MRPS28: variants seen among roughly 807,000 people sequenced by gnomAD.
The protein encoded by MRPS28 is small ribosomal subunit protein bS1m.
Under a neutral mutation model 10.8 loss-of-function variants are expected in MRPS28, and 7 were observed. The observed-to-expected ratio is 0.65, with a 90% CI of 0.37 to 1.22. MRPS28 has a LOEUF of 1.22. Among genes scored for constraint, MRPS28 ranks in the 50% most tolerant of loss-of-function variants. MRPS28 has a pLI of 0.02. For synonymous variants in MRPS28, 121 were observed against 93.3 expected, an observed-to-expected ratio of 1.30 and a Z score of -1.71; for missense variants, 265 against 232.9, an observed-to-expected ratio of 1.14 and a Z score of -0.90.
intron 1 of MRPS28, among the ~76,000 whole-genome samples, chr8:80,009,698 G>A (rs1353401479): frequency 1.3e-5 from 2 of 151,986 alleles, no homozygotes; most frequent in African/African-American, 2.4e-5. Context: ...GTGAGGTCTC[G>A]AGAGCCCAGG....
rs138766972 is a variant in MRPS28, at chr8:79,992,885, A to G, written c.395+10114T>C. On this transcript the variant is annotated intron_variant, in intron 2 of 2. Transcript: ENST00000276585. ...AATTCTAACAGTATCTTAGAGTAAT[A>G]ACAAGGTTAAAGAAAATAATGCATG... is the stretch of plus-strand genomic sequence containing the variant. Among the ~76,000 whole-genome samples the G allele has an allele frequency of 2.2e-3, 338 of 152,348 alleles. 3 individuals are homozygous for G. Among genetic ancestry groups the G allele is most frequent in the African/African-American group, 7.7e-3 (320 of 41,592 alleles).
intron 2 of MRPS28, among the ~76,000 whole-genome samples, chr8:79,962,433 G>C (rs1458087788): frequency 6.6e-6 from 1 of 152,008 alleles, no homozygotes; most frequent in African/African-American, 2.4e-5. Context: ...GGTCCCAGTG[G>C]GATTTGTAAC....
At chr8:79,955,945 C>G (rs909289542) in intron 2 of MRPS28, among the ~76,000 whole-genome samples, 1 of 152,042 alleles carries the variant, frequency 6.6e-6, no homozygotes, top group Non-Finnish European at 1.5e-5. Context: ...CTTTAGCTTC[C>G]GATTTTCCAA....
intron 2 of MRPS28, among the ~76,000 whole-genome samples, chr8:79,928,929 C>T (rs2129883029): frequency 6.6e-6 from 1 of 152,190 alleles, no homozygotes; most frequent in South Asian, 2.1e-4. Context: ...GCCTGTAGTC[C>T]CAGCTACTTG....
At chr8:79,991,740 G>A (rs933941659) in intron 2 of MRPS28, among the ~76,000 whole-genome samples, 4 of 152,082 alleles carry the variant, frequency 2.6e-5, no homozygotes, top group Non-Finnish European at 2.9e-5. Context: ...AATTAAATAC[G>A]TAAAATGCAT....
At chr8:79,973,840 A>T (rs1042175319) in intron 2 of MRPS28, among the ~76,000 whole-genome samples, 8 of 16,600 alleles carry the variant, frequency 4.8e-4, no homozygotes, top group African/African-American at 1.0e-3. Context: ...ATAAATTAAT[A>T]AAAAAAAAAA....
chr8:79,991,038 A>C (rs1015320776), intron 2 of MRPS28, among the ~76,000 whole-genome samples: 7 of 151,570 alleles, frequency 4.6e-5, no homozygotes, highest in Non-Finnish European at 1.0e-4. Flanking sequence ...ACAAGGTACA[A>C]GATATCCATG....
At chr8:80,006,067 A>T (rs2130175773) in intron 1 of MRPS28, among the ~76,000 whole-genome samples, 1 of 152,326 alleles carries the variant, frequency 6.6e-6, no homozygotes, top group South Asian at 2.1e-4. Context: ...TCAACATTAG[A>T]CAGATCAATA....
chr8:80,003,112 A>C lies in MRPS28; in HGVS notation c.282T>G (p.Pro94=). Residue 94 remains proline, a synonymous_variant, in exon 2 of 3, where the codon CCT becomes CCG. Coordinates refer to ENST00000276585, the MANE Select transcript of MRPS28 (RefSeq NM_014018.3). ...GTCCAATGACCAGTTTATCCTTTGC[A>C]GGTCCCATCTGTGTAAGAGGAGAAT... ...LRHSPLTQMG[P]AKDKLVIGRI... 1 of 1,613,440 alleles carries C rather than the reference A, an allele frequency of 6.2e-7. No individual in the cohort carries two copies. Among genetic ancestry groups the C allele is most frequent in the Non-Finnish European group, 8.5e-7 (1 of 1,179,800 alleles).
intron 2 of MRPS28, among the ~76,000 whole-genome samples, chr8:79,977,881 G>A (rs1807846361): frequency 6.6e-6 from 1 of 151,658 alleles, no homozygotes; most frequent in Non-Finnish European, 1.5e-5. Flanking sequence ...TGCATAAATA[G>A]AATTTTAATG....
At chr8:79,962,753 T>A (rs2130009881) in intron 2 of MRPS28, among the ~76,000 whole-genome samples, 1 of 152,244 alleles carries the variant, frequency 6.6e-6, no homozygotes, top group Non-Finnish European at 1.5e-5. Context: ...GTAAAGGGAT[T>A]TTCACGGTTA....
rs200125560 is a variant in MRPS28 at position 80,026,913 on chromosome 8, A to AC, written c.213+3122_213+3123insG. Among the ~76,000 whole-genome samples, 855 of 152,254 alleles carry AC rather than the reference A, an allele frequency of 5.6e-3. 9 individuals are homozygous for AC. Among genetic ancestry groups the AC allele is most frequent in the African/African-American group, 0.02 (826 of 41,514 alleles). On this transcript the variant is annotated intron_variant, in intron 1 of 2. Coordinates refer to ENST00000276585, the MANE Select transcript of MRPS28 (RefSeq NM_014018.3). ...AATAGCATTTTATATTCATTCATTA[A>AC]GAAAAAAAATTATTTTTTAGAGTAC... is the stretch of plus-strand genomic sequence containing the variant.
intron 1 of MRPS28, among the ~76,000 whole-genome samples, chr8:80,020,799 A>G (rs940190097): frequency 6.6e-6 from 1 of 152,180 alleles, no homozygotes; most frequent in Non-Finnish European, 1.5e-5. Context: ...ACGAACACAC[A>G]TTTACAGAGC....
At chr8:79,958,525 A>T (rs1807287503) in intron 2 of MRPS28, 5 of 568,216 alleles carry the variant, frequency 8.8e-6, no homozygotes, top group Non-Finnish European at 1.5e-5. Context: ...GTACACTAAC[A>T]ATTTTTTAAA....
intron 2 of MRPS28, among the ~76,000 whole-genome samples, chr8:79,982,008 G>C (rs1807969527): frequency 6.6e-6 from 1 of 152,132 alleles, no homozygotes; most frequent in Non-Finnish European, 1.5e-5. Context: ...CACTTTGGGG[G>C]GGCCAAGGCA....
intron 1 of MRPS28, among the ~76,000 whole-genome samples, chr8:80,023,953 G>T (rs991178828): frequency 2.0e-5 from 3 of 152,240 alleles, no homozygotes; most frequent in Non-Finnish European, 4.4e-5. Flanking sequence ...GGACGGCCTG[G>T]TGTGGTGGCT....
At chr8:80,026,781 T>C (rs1429014015) in intron 1 of MRPS28, among the ~76,000 whole-genome samples, 1 of 152,222 alleles carries the variant, frequency 6.6e-6, no homozygotes, top group Non-Finnish European at 1.5e-5. Flanking sequence ...TTTTCTGGTG[T>C]TTTTTGTTTG....
At chr8:79,920,672 T>A (rs764523150) in intron 2 of MRPS28, among the ~76,000 whole-genome samples, 12 of 152,242 alleles carry the variant, frequency 7.9e-5, no homozygotes, top group Non-Finnish European at 1.2e-4. Flanking sequence ...GAGTTCATTG[T>A]AGATTCTGGA....
chr8:79,985,464 T>G (rs1808126992), intron 2 of MRPS28, among the ~76,000 whole-genome samples: 1 of 151,966 alleles, frequency 6.6e-6, no homozygotes, highest in African/African-American at 2.4e-5. Context: ...AAAAAACCCT[T>G]CAAAAAATTA....
Sources: allele counts gnomAD v4.1 joint callset (sites outside exome capture counted in the v4.1 genomes callset), GRCh38; gene constraint gnomAD v4.1.1; transcripts MANE v1.5; gene names NCBI Gene and HGNC (gene_info 2026-07-23, HGNC 2026-07-21).